Variants in ZNF254 observed in about 807,000 individuals in gnomAD.
ZNF254 encodes CTD-2017D11.1.
In ZNF254, 10 loss-of-function variants were observed where a neutral mutation model predicts 12.4. The ratio of observed to expected loss-of-function variants is 0.80; its 90% CI spans 0.50 to 1.36. The LOEUF is 1.36. ZNF254 is among the 40% of genes most tolerant of loss of function. The pLI is 0.00. For missense variants in ZNF254, 996 were observed against 763.9 expected, an observed-to-expected ratio of 1.30 and a Z score of -3.58; for synonymous variants, 305 against 253.4, an observed-to-expected ratio of 1.20 and a Z score of -1.93.
intron 3 of ZNF254, among the ~76,000 whole-genome samples, chr19:24,109,898 T>C (rs1973564825): frequency 6.6e-6 from 1 of 151,142 alleles, no homozygotes; most frequent in Admixed American, 6.6e-5. Flanking sequence ...ATTTTGTATT[T>C]TTTTTTTTTT....
rs2925930 is a variant in ZNF254 at position 24,127,369 on chromosome 19, A to G, written c.1369A>G (p.Thr457Ala). ...CCTTACTAAACATAAGAGAATTCATACTAGAGAGAAACCCTACAAATGTGA... is the reference window on the plus strand; with the variant it reads ...CCTTACTAAACATAAGAGAATTCATGCTAGAGAGAAACCCTACAAATGTGA... ...STLTKHKRIH[T>A]REKPYKCEEC... is the part of the protein sequence containing the mutation. The change falls in exon 4 of 4, where the codon ACT (threonine) becomes GCT (alanine). Residue 457 changes from threonine (T) to alanine (A), a missense_variant. By Grantham distance (58) the Thr-to-Ala change is moderately conservative (BLOSUM62 0). Coordinates refer to ENST00000357002, the MANE Select transcript of ZNF254 (RefSeq NM_203282.4). 1.6e-3 allele frequency: 2,530 copies of G among 1,613,678 alleles called. 4 individuals are homozygous for G. The highest frequency in any genetic ancestry group is 3.3e-3 in the Middle Eastern group (20 of 6,062).
intron 3 of ZNF254, among the ~76,000 whole-genome samples, chr19:24,112,469 T>A (rs1212865233): frequency 6.7e-6 from 1 of 149,166 alleles, no homozygotes; most frequent in African/African-American, 2.5e-5. Flanking sequence ...TAAAGTAGTT[T>A]TTTCCAATTC....
chr19:24,088,601 A>G (rs1331066446), intron 1 of ZNF254, among the ~76,000 whole-genome samples: 2 of 151,776 alleles, frequency 1.3e-5, no homozygotes, highest in Non-Finnish European at 2.9e-5. Flanking sequence ...TTTATCATCT[A>G]TTTGTCCTTT....
chr19:24,063,818 G>A (rs1336581587), intron 2 of ZNF254: 1 of 149,344 alleles, frequency 6.7e-6, no homozygotes, highest in African/African-American at 2.5e-5. Flanking sequence ...GCCCTTAGAA[G>A]GCATTGAGAC....
intron 2 of ZNF254, among the ~76,000 whole-genome samples, chr19:24,080,858 G>T (rs541507623): frequency 6.6e-6 from 1 of 151,666 alleles, no homozygotes; most frequent in South Asian, 2.1e-4. Flanking sequence ...GGAGGCTGAG[G>T]TGGGTGGTCG....
chr19:24,088,076 T>G (rs1248643653), intron 1 of ZNF254, among the ~76,000 whole-genome samples: 1 of 151,836 alleles, frequency 6.6e-6, no homozygotes, highest in African/African-American at 2.4e-5. Context: ...CCACCACAAT[T>G]TTTTTATTTT....
In ZNF254 at chr19:24,105,547, A is replaced by C. The variant is rs1036975124; in HGVS notation, c.31-393A>C. 3 of 221,332 alleles carry C rather than the reference A, an allele frequency of 1.4e-5. No individual in the cohort carries two copies. The East Asian group carries it at 4.5e-4, about 33-fold the overall frequency. The allele number at this position is 221,332 out of a possible 1,614,324, so 13.7% of individuals were successfully genotyped here. The stretch of plus-strand genomic sequence containing the variant: ...TGTCCAGTTTATTGTACACGTTAAA[A>C]TTTGAGTGGTACCTTCTAACTCAAG... On this transcript the variant is annotated intron_variant, in intron 1 of 3. Coordinates refer to ENST00000357002, the MANE Select transcript of ZNF254 (RefSeq NM_203282.4).
At chr19:24,110,900 T>A (rs1194654346) in intron 3 of ZNF254, among the ~76,000 whole-genome samples, 1 of 152,084 alleles carries the variant, frequency 6.6e-6, no homozygotes, top group Non-Finnish European at 1.5e-5. Context: ...TCCATTTCAG[T>A]AAAACAATAG....
chr19:24,055,061 G>A, intron 2 of ZNF254, among the ~76,000 whole-genome samples: 1 of 151,298 alleles, frequency 6.6e-6, no homozygotes. Flanking sequence ...AAATTAGCTG[G>A]GCATGGTGGT....
intron 2 of ZNF254, among the ~76,000 whole-genome samples, chr19:24,071,189 A>C (rs1281364736): frequency 6.6e-6 from 1 of 152,056 alleles, no homozygotes; most frequent in Non-Finnish European, 1.5e-5. Context: ...TTTCCCTAAG[A>C]GACATTGTAA....
intron 2 of ZNF254, among the ~76,000 whole-genome samples, chr19:24,062,710 ACT>A (rs1488126363): frequency 4.6e-5 from 7 of 152,068 alleles, no homozygotes; most frequent in African/African-American, 9.7e-5. Flanking sequence ...TGGAAAATTG[ACT>A]CTCATTTGTG....
rs57891281 is a variant in ZNF254, at chr19:24,034,785, C to CTT, written c.-190+1179_-190+1180dup. 8.6e-3 allele frequency among the ~76,000 whole-genome samples: 1,222 copies of CTT among 141,610 alleles called. 12 individuals are homozygous for CTT. The highest frequency in any genetic ancestry group is 0.035 in the Middle Eastern group (10 of 282). The allele number at this position is 141,610 out of a possible 152,430, so 92.9% of individuals were successfully genotyped here. A position where few individuals can be genotyped will look rare whatever the true frequency, so the allele number is the denominator to read the frequency against. On this transcript the variant is annotated intron_variant, in intron 1 of 4. Transcript: ENST00000613065. ...AGCCACTGTGCCTGGCAAGAAGTTA[C>CTT]TTTTTTTTTTTTTTTTGAGACGGAG...
intron 3 of ZNF254, among the ~76,000 whole-genome samples, chr19:24,122,727 A>G (rs1974566074): frequency 6.6e-6 from 1 of 152,120 alleles, no homozygotes; most frequent in Non-Finnish European, 1.5e-5. Flanking sequence ...GAATTTTTAT[A>G]TTTCAAATTA....
chr19:24,121,528 CTGTT>C (rs1974482155), intron 3 of ZNF254, among the ~76,000 whole-genome samples: 1 of 145,404 alleles, frequency 6.9e-6, no homozygotes, highest in Non-Finnish European at 1.5e-5. Flanking sequence ...AGAATTATAT[CTGTT>C]TGTTTGCCTG....
At chr19:24,117,088 G>T (rs1166335122) in intron 3 of ZNF254, among the ~76,000 whole-genome samples, 1 of 152,118 alleles carries the variant, frequency 6.6e-6, no homozygotes, top group Admixed American at 6.5e-5. Flanking sequence ...GCCATGTGAG[G>T]TGTCAGTCTG....
rs150316723 is a variant in ZNF254, at chr19:24,126,690, A to C, written c.690A>C (p.Lys230Asn). 7 of 1,613,392 alleles carry C rather than the reference A, an allele frequency of 4.3e-6. No individual in the cohort carries two copies. The highest frequency in any genetic ancestry group is 5.9e-6 in the Non-Finnish European group (7 of 1,179,756). ...CCTCAACCCTTACTAATCATAGGAA[A>C]ATTTATACTGAAGAGAAACCTTACA... is the stretch of plus-strand genomic sequence containing the variant. The part of the protein sequence containing the change: ...NWSSTLTNHR[K>N]IYTEEKPYKC... Residue 230 changes from lysine to asparagine, a missense_variant, in exon 4 of 4, where the codon AAA becomes AAC. Coordinates refer to ENST00000357002, the MANE Select transcript of ZNF254 (RefSeq NM_203282.4).
At chr19:24,045,193 C>T (rs1236832258) in intron 1 of ZNF254, among the ~76,000 whole-genome samples, 3 of 152,146 alleles carry the variant, frequency 2.0e-5, no homozygotes, top group Non-Finnish European at 4.4e-5. Flanking sequence ...ACCAGCAGCT[C>T]CTGGGAATGC....
chr19:24,105,931 G>A lies in ZNF254; in HGVS notation c.31-9G>A. On this transcript the variant is annotated splice_polypyrimidine_tract_variant and intron_variant, in intron 1 of 3. Transcript: ENST00000357002. ...TTTGTAAATATGTGTGTTTGTGTGT[G>A]TTTTCCAGGGACTGTTGACATTTAG... 1.3e-6 allele frequency: 2 copies of A among 1,586,870 alleles called. No individual in the cohort carries two copies. The highest frequency in any genetic ancestry group is 1.7e-6 in the Non-Finnish European group (2 of 1,163,358).
chr19:24,044,274 C>T (rs62113675), intron 1 of ZNF254, among the ~76,000 whole-genome samples: 1 of 150,948 alleles, frequency 6.6e-6, no homozygotes, highest in East Asian at 1.9e-4. Flanking sequence ...CGCGGTGGCT[C>T]ACGCCTATAA....
Sources: allele counts gnomAD v4.1 joint callset (sites outside exome capture counted in the v4.1 genomes callset), GRCh38; gene constraint gnomAD v4.1.1; transcripts MANE v1.5; gene names NCBI Gene and HGNC (gene_info 2026-07-23, HGNC 2026-07-21).